The following DSCAML1 variants were observed in gnomAD, a reference collection of about 807,000 sequenced individuals.
The protein encoded by DSCAML1 is cell adhesion molecule DSCAML1.
In DSCAML1, 38 loss-of-function variants were observed where a neutral mutation model predicts 200.5. That is an observed-to-expected ratio of 0.19 (90% confidence interval 0.15 to 0.25). The LOEUF is 0.25. Ranked by LOEUF, DSCAML1 falls within the 10% of genes least tolerant of loss-of-function variation. The probability of loss-of-function intolerance (pLI) is 1.00; values close to 1 mark genes in which losing one functional copy is unlikely to be tolerated. For missense variants in DSCAML1, 2,223 were observed against 2,858.8 expected, an observed-to-expected ratio of 0.78 and a Z score of 5.07; for synonymous variants, 1,215 against 1,165.0, an observed-to-expected ratio of 1.04 and a Z score of -0.87.
chr11:117,752,632 G>A (rs1591472829), intron 3 of DSCAML1, among the ~76,000 whole-genome samples: 2 of 152,304 alleles, frequency 1.3e-5, no homozygotes, highest in South Asian at 4.1e-4. Context: ...AGGGTGCCCC[G>A]GGGAAACAAT....
intron 3 of DSCAML1, among the ~76,000 whole-genome samples, chr11:117,626,201 C>G (rs925920763): frequency 3.8e-5 from 3 of 79,128 alleles, no homozygotes; most frequent in Non-Finnish European, 5.5e-5. Flanking sequence ...TTGCTGAGAC[C>G]CCCCCCCCTC....
At chr11:117,745,725 A>C (rs1483711524) in intron 3 of DSCAML1, among the ~76,000 whole-genome samples, 1 of 152,184 alleles carries the variant, frequency 6.6e-6, no homozygotes, top group Non-Finnish European at 1.5e-5. Flanking sequence ...TCAGCTCAGC[A>C]TGGAGCATCT....
intron 3 of DSCAML1, among the ~76,000 whole-genome samples, chr11:117,755,961 T>C (rs1045192617): frequency 2.6e-5 from 4 of 152,208 alleles, no homozygotes; most frequent in African/African-American, 9.6e-5. Flanking sequence ...ACGGTTCTGC[T>C]GTCGGGTAAT....
chr11:117,625,078 C>T (rs1217794542), intron 3 of DSCAML1, among the ~76,000 whole-genome samples: 3 of 152,012 alleles, frequency 2.0e-5, no homozygotes, highest in African/African-American at 7.2e-5. Flanking sequence ...GTGGTCAGGT[C>T]TGGGAATCAC....
At chr11:117,631,943 G>T (rs765363263) in intron 3 of DSCAML1, among the ~76,000 whole-genome samples, 1 of 152,194 alleles carries the variant, frequency 6.6e-6, no homozygotes, top group African/African-American at 2.4e-5. Flanking sequence ...GAAGGAGGAG[G>T]TCTTAGAGGA....
intron 3 of DSCAML1, among the ~76,000 whole-genome samples, chr11:117,547,363 G>T (rs1352874558): frequency 1.3e-5 from 2 of 152,202 alleles, no homozygotes; most frequent in Admixed American, 6.5e-5. Context: ...CTGCACGGCG[G>T]CAGGGAAGGG....
At chr11:117,650,889 C>T (rs970434979) in intron 3 of DSCAML1, among the ~76,000 whole-genome samples, 2 of 152,282 alleles carry the variant, frequency 1.3e-5, no homozygotes, top group African/African-American at 2.4e-5. Context: ...TTCAGAATCA[C>T]CCAAACAGGC....
intron 16 of DSCAML1, among the ~76,000 whole-genome samples, chr11:117,468,667 A>G (rs1592625049): frequency 6.6e-6 from 1 of 152,198 alleles, no homozygotes; most frequent in African/African-American, 2.4e-5. Context: ...GGTATCCACT[A>G]GGTGGGCTGC....
chr11:117,447,224 G>T (rs2048197881), intron 20 of DSCAML1, among the ~76,000 whole-genome samples: 1 of 152,170 alleles, frequency 6.6e-6, no homozygotes, highest in South Asian at 2.1e-4. Flanking sequence ...GGAGGTGGAG[G>T]ATACAGCGAG....
intron 3 of DSCAML1, among the ~76,000 whole-genome samples, chr11:117,735,738 G>A (rs766473057): frequency 2.0e-5 from 3 of 152,208 alleles, no homozygotes; most frequent in South Asian, 2.1e-4. Context: ...TGCTGGGCCC[G>A]GAGCTGCGTC....
At position 117,780,222 on chromosome 11, in the gene DSCAML1, A is replaced by AAGAAAGAAAGAAAG. The variant is rs1159783623; in HGVS notation, c.364+270_364+271insCTTTCTTTCTTTCT. Among the ~76,000 whole-genome samples the AAGAAAGAAAGAAAG allele has an allele frequency of 2.6e-5, 2 of 75,846 alleles. No individual in the cohort carries two copies. The highest frequency in any genetic ancestry group is 6.2e-4 in the East Asian group (2 of 3,252). 49.8% of individuals were successfully genotyped at this position (75,846 alleles called of 152,430 possible). A position where few individuals can be genotyped will look rare whatever the true frequency, so the allele number is the denominator to read the frequency against. On this transcript the variant is annotated intron_variant, in intron 2 of 32. Transcript: ENST00000651296. The surrounding 1 kb of genome is among the most constrained non-coding windows in gnomAD (Gnocchi z 4.8). ...AAGAGAAAGAAAGAGAGAGAGAGAA[A>AAGAAAGAAAGAAAG]GAAAGAAAGGAAAGAAAGAAAGAAA... is the stretch of plus-strand genomic sequence containing the variant.
At chr11:117,634,258 C>T (rs1340237622) in intron 3 of DSCAML1, among the ~76,000 whole-genome samples, 1 of 152,114 alleles carries the variant, frequency 6.6e-6, no homozygotes, top group Non-Finnish European at 1.5e-5. Context: ...TCTTGGATAC[C>T]TTAAAGGTTA....
chr11:117,455,763 G>C (rs1301649175), intron 19 of DSCAML1, among the ~76,000 whole-genome samples: 3 of 152,218 alleles, frequency 2.0e-5, no homozygotes, highest in African/African-American at 7.2e-5. Context: ...TTGGACCACA[G>C]ATCTGTCTGC....
chr11:117,586,706 T>C (rs908949614), intron 3 of DSCAML1, among the ~76,000 whole-genome samples: 1 of 152,170 alleles, frequency 6.6e-6, no homozygotes, highest in African/African-American at 2.4e-5. Context: ...GATGGGTTTA[T>C]AAGGGCAGGG....
intron 14 of DSCAML1, among the ~76,000 whole-genome samples, chr11:117,479,039 A>G (rs1244339206): frequency 6.6e-6 from 1 of 152,254 alleles, no homozygotes; most frequent in East Asian, 1.9e-4. Flanking sequence ...CAAGGGGTGA[A>G]TGCAGCTCAG....
In DSCAML1 at chr11:117,437,421, G is replaced by A; in HGVS notation, c.4433-12C>T. The A allele has an allele frequency of 6.2e-7, 1 of 1,607,610 alleles. No homozygotes were observed. Among genetic ancestry groups the A allele is most frequent in the African/African-American group, 1.3e-5 (1 of 74,894 alleles). ...GCTGAAGGAGGGCTCTGGCAGGCCG[G>A]AGGGAGAGAGAGAGGTTAGAGAGAT... On this transcript the variant is annotated splice_polypyrimidine_tract_variant and intron_variant, in intron 25 of 32. Transcript: ENST00000651296. The surrounding 1 kb of genome is among the most constrained non-coding windows in gnomAD (Gnocchi z 5.3).
intron 3 of DSCAML1, among the ~76,000 whole-genome samples, chr11:117,567,135 A>G (rs1341873496): frequency 6.6e-6 from 1 of 152,186 alleles, no homozygotes; most frequent in Non-Finnish European, 1.5e-5. Context: ...CTAGTTCTAG[A>G]TCCCTGAGGA....
upstream of DSCAML1, among the ~76,000 whole-genome samples, chr11:117,798,720 G>A (rs370227046): frequency 6.6e-6 from 1 of 151,752 alleles, no homozygotes; most frequent in East Asian, 1.9e-4. Flanking sequence ...GTATCCTTTT[G>A]TGCTTGGCTT....
At chr11:117,712,640 C>T (rs936483655) in intron 3 of DSCAML1, among the ~76,000 whole-genome samples, 10 of 152,096 alleles carry the variant, frequency 6.6e-5, no homozygotes, top group Admixed American at 2.0e-4. Context: ...ACGCGCACGC[C>T]GACAGCATCC....
Sources: allele counts gnomAD v4.1 joint callset (sites outside exome capture counted in the v4.1 genomes callset), GRCh38; gene constraint gnomAD v4.1.1; non-coding constraint Gnocchi (gnomAD v3.1); transcripts MANE v1.5; gene names NCBI Gene and HGNC (gene_info 2026-07-23, HGNC 2026-07-21).